The following TTC7B variants were observed in gnomAD, a reference collection of about 807,000 sequenced individuals.
TTC7B encodes the protein tetratricopeptide repeat protein 7B.
Under a neutral mutation model 106.8 loss-of-function variants are expected in TTC7B, and 28 were observed. The observed-to-expected ratio is 0.26, with a 90% CI of 0.19 to 0.36. TTC7B has a LOEUF of 0.36. Among genes scored for constraint, TTC7B ranks in the 10% least tolerant of loss-of-function variants. The pLI, the probability that TTC7B is intolerant of heterozygous loss-of-function variation, is 1.00. For synonymous variants in TTC7B, 405 were observed against 430.6 expected (o/e 0.94, Z 0.74); for missense variants, 862 against 1,076.4 (o/e 0.80, Z 2.79).
intron 6 of TTC7B, among the ~76,000 whole-genome samples, 193 bp downstream of exon 6, chr14:90,695,307 T>C (rs1887696542): frequency 6.7e-6 from 1 of 148,494 alleles, no homozygotes; most frequent in South Asian, 2.1e-4. Flanking sequence ...TAAATATATG[T>C]CACATATATT....
At position 90,564,168 on chromosome 14, in the gene TTC7B, A is replaced by T. The variant is rs116634356; in HGVS notation, c.2310+13938T>A. Among the ~76,000 whole-genome samples the T allele has an allele frequency of 9.5e-3, 1,448 of 152,166 alleles. 25 individuals carry two copies. Among genetic ancestry groups the T allele is most frequent in the African/African-American group, 0.033 (1,366 of 41,498 alleles). ...CTATGTCTAAATCGCTCCTTGATCC[A>T]TGGGCTGTAAAGTGGATGCTGTGTT... is the stretch of plus-strand genomic sequence containing the variant. On this transcript the variant is annotated intron_variant, in intron 19 of 19. Coordinates refer to ENST00000328459, the MANE Select transcript of TTC7B (RefSeq NM_001010854.2).
At chr14:90,548,902 T>G (rs917871394) in intron 19 of TTC7B, among the ~76,000 whole-genome samples, 9 of 151,856 alleles carry the variant, frequency 5.9e-5, no homozygotes, top group Admixed American at 2.6e-4. Flanking sequence ...CCGAGGTGGG[T>G]GGATCACAAG....
In TTC7B at chr14:90,812,101, G is replaced by A. The variant is rs978450758; in HGVS notation, c.121+4074C>T. Among the ~76,000 whole-genome samples, 6 of 152,170 alleles carry A rather than the reference G, an allele frequency of 3.9e-5. 1 individual carries two copies. Among genetic ancestry groups the A allele is most frequent in the Admixed American group, 3.3e-4 (5 of 15,276 alleles). On this transcript the variant is annotated intron_variant, in intron 1 of 19. Transcript: ENST00000328459. ...TATGACCATGTGCCCTGGCTGACAG[G>A]TACCATCCCACTGAATCCTCACACG...
chr14:90,622,679 G>A (rs1026989818), intron 15 of TTC7B, among the ~76,000 whole-genome samples: 3 of 152,150 alleles, frequency 2.0e-5, no homozygotes, highest in Non-Finnish European at 4.4e-5. Flanking sequence ...GCAGTGAGCT[G>A]AGATCATGCC....
At chr14:90,723,760 TA>T (rs1009034577) in intron 5 of TTC7B, among the ~76,000 whole-genome samples, 1 of 152,196 alleles carries the variant, frequency 6.6e-6, no homozygotes, top group African/African-American at 2.4e-5. Context: ...TTCCAATTTG[TA>T]ATTATATATG....
chr14:90,776,271 C>T (rs1025212903), intron 3 of TTC7B, among the ~76,000 whole-genome samples: 3 of 152,056 alleles, frequency 2.0e-5, no homozygotes, highest in Non-Finnish European at 4.4e-5. Flanking sequence ...CAGGAAAAAG[C>T]AGCCTCCCAG....
At chr14:90,712,194 T>A in intron 5 of TTC7B, among the ~76,000 whole-genome samples, 1 of 152,192 alleles carries the variant, frequency 6.6e-6, no homozygotes, top group East Asian at 1.9e-4. Flanking sequence ...ACATCATACT[T>A]AATGGTGAAA....
intron 5 of TTC7B, among the ~76,000 whole-genome samples, chr14:90,717,158 T>C (rs1263622349): frequency 2.6e-5 from 4 of 152,026 alleles, no homozygotes; most frequent in Non-Finnish European, 4.4e-5. Flanking sequence ...GCTAACATGG[T>C]GAAACCCTGT....
At chr14:90,615,615 T>G (rs1489515415) in intron 16 of TTC7B, among the ~76,000 whole-genome samples, 2 of 152,044 alleles carry the variant, frequency 1.3e-5, no homozygotes, top group African/African-American at 4.8e-5. Flanking sequence ...CACTCGGGAG[T>G]GTTGCAAGGT....
intron 1 of TTC7B, among the ~76,000 whole-genome samples, chr14:90,798,902 A>G (rs2030064842): frequency 6.6e-6 from 1 of 152,012 alleles, no homozygotes; most frequent in East Asian, 1.9e-4. Flanking sequence ...TTTTACTACC[A>G]TGTACATTCA....
intron 5 of TTC7B, among the ~76,000 whole-genome samples, chr14:90,710,064 A>G (rs1234172327): frequency 6.6e-6 from 1 of 151,578 alleles, no homozygotes; most frequent in East Asian, 1.9e-4. Context: ...TTGAAAAAAA[A>G]AAAAAAAGAA....
Position 90,657,607 on chromosome 14 carries a change from C to T in TTC7B, c.1237-329G>A, listed in dbSNP as rs1886003463. ...AAAGGTAAATATCTAATTTAAGGCA[C>T]AAAATACTGAATTTCTGAATTCACT... On this transcript the variant is annotated intron_variant, in intron 10 of 19. Coordinates refer to ENST00000328459, the MANE Select transcript of TTC7B (RefSeq NM_001010854.2). The surrounding 1 kb of genome is among the most constrained non-coding windows in gnomAD (Gnocchi z 4.2). 6.6e-6 allele frequency among the ~76,000 whole-genome samples: 1 copy of T among 152,224 alleles called. No homozygotes were observed. The highest frequency in any genetic ancestry group is 2.1e-4 in the South Asian group (1 of 4,834).
rs531303035 is a variant in TTC7B, at chr14:90,590,083, T to A, written c.2107+3403A>T. Among the ~76,000 whole-genome samples, 22 of 152,222 alleles carry A rather than the reference T, an allele frequency of 1.4e-4. 1 individual carries two copies. Among genetic ancestry groups the A allele is most frequent in the Admixed American group, 7.2e-4 (11 of 15,294 alleles). Reference sequence around the variant, plus strand: ...AACCGGTGACAGTGGTTGCCTGTGGTGGGGGTGACTGAGGCTCAGGGATAA... The same window carrying A: ...AACCGGTGACAGTGGTTGCCTGTGGAGGGGGTGACTGAGGCTCAGGGATAA... On this transcript the variant is annotated intron_variant, in intron 18 of 19. Coordinates refer to ENST00000328459, the MANE Select transcript of TTC7B (RefSeq NM_001010854.2).
chr14:90,584,815 G>A (rs954136548), intron 18 of TTC7B, among the ~76,000 whole-genome samples: 4 of 152,052 alleles, frequency 2.6e-5, no homozygotes, highest in Non-Finnish European at 5.9e-5. Flanking sequence ...GGGCAGAGGG[G>A]TCCCACCTGA....
intron 3 of TTC7B, among the ~76,000 whole-genome samples, chr14:90,756,911 A>G (rs1410629460): frequency 6.6e-6 from 1 of 152,196 alleles, no homozygotes; most frequent in East Asian, 1.9e-4. Flanking sequence ...GTCAGTGGCA[A>G]TAAAAGGGTT....
intron 15 of TTC7B, among the ~76,000 whole-genome samples, chr14:90,638,050 C>CTT (rs78198771): frequency 1.4e-5 from 2 of 144,090 alleles, no homozygotes; most frequent in Non-Finnish European, 1.5e-5. Context: ...TCTGGCTACC[C>CTT]TTTTTTTTTT....
intron 18 of TTC7B, among the ~76,000 whole-genome samples, chr14:90,587,802 T>C (rs900455615): frequency 7.2e-5 from 11 of 152,110 alleles, no homozygotes; most frequent in Non-Finnish European, 2.9e-5. Context: ...CTACTGTGGG[T>C]TGGAGCTAGG....
At chr14:90,701,848 C>T (rs1334723490) in intron 5 of TTC7B, among the ~76,000 whole-genome samples, 1 of 149,140 alleles carries the variant, frequency 6.7e-6, no homozygotes, top group Non-Finnish European at 1.5e-5. Context: ...AACACTCATA[C>T]CTACTATGCA....
chr14:90,795,140 A>G (rs868480180), intron 1 of TTC7B, among the ~76,000 whole-genome samples: 21 of 152,284 alleles, frequency 1.4e-4, no homozygotes, highest in South Asian at 1.2e-3. Flanking sequence ...CAAGATCAAA[A>G]CATTAAAGCT....
Sources: allele counts gnomAD v4.1 joint callset (sites outside exome capture counted in the v4.1 genomes callset), GRCh38; gene constraint gnomAD v4.1.1; non-coding constraint Gnocchi (gnomAD v3.1); transcripts MANE v1.5; gene names NCBI Gene and HGNC (gene_info 2026-07-23, HGNC 2026-07-21).